The following RIC8A variants were observed in gnomAD, a reference collection of about 807,000 sequenced individuals.
RIC8A encodes chaperone Ric-8A.
In RIC8A, 37 loss-of-function variants were observed where a neutral mutation model predicts 48.4. That is an observed-to-expected ratio of 0.77 (90% CI 0.59 to 1.01). The LOEUF is 1.01. Ranked by LOEUF, RIC8A falls within the 50% of genes least tolerant of loss-of-function variation. RIC8A has a pLI of 0.00. For synonymous variants in RIC8A, 288 were observed against 283.4 expected (o/e 1.02, Z -0.16); for missense variants, 681 against 696.8 (o/e 0.98, Z 0.25).
intron 9 of RIC8A, chr11:213,641 G>C (rs551015036): frequency 1.8e-4 from 91 of 514,972 alleles, no homozygotes; most frequent in African/African-American, 1.5e-3. Flanking sequence ...CTGAGGCCCA[G>C]AGAAATTAAG....
At chr11:210,504 T>C in intron 3 of RIC8A, 67 bp from the exon 4 acceptor site, 2 of 1,399,968 alleles carry the variant, frequency 1.4e-6, no homozygotes, top group Non-Finnish European at 1.0e-6. Flanking sequence ...CAACAGACAG[T>C]GGAGCCTCAG....
At position 210,703 on chromosome 11, in the gene RIC8A, TGTC is replaced by T. The variant is rs761895052; in HGVS notation, c.818+42_818+44del. On this transcript the variant is annotated intron_variant, in intron 4 of 9. Coordinates refer to ENST00000526104, the MANE Select transcript of RIC8A (RefSeq NM_001286134.2). Reference sequence around the variant, plus strand: ...TTTCTGGGAGGGAAGTGTGCCCACATGTCTAGATGGTCGTCCTCAACCCCGGCT... The same window carrying T: ...TTTCTGGGAGGGAAGTGTGCCCACATTAGATGGTCGTCCTCAACCCCGGCT... The T allele has an allele frequency of 7.6e-6, 12 of 1,582,366 alleles. No homozygotes were observed. In the South Asian group the frequency reaches 1.2e-4, roughly 16 times the overall value.
At chr11:209,234 C>T (rs774708089) in intron 1 of RIC8A, 37 bp from the exon 2 acceptor site, 35 of 1,613,580 alleles carry the variant, frequency 2.2e-5, no homozygotes, top group Non-Finnish European at 2.9e-5. Context: ...CGGATCCTAC[C>T]CCTCTGTGGA....
chr11:210,737 C>T, intron 4 of RIC8A, 75 bp downstream of exon 4: 1 of 1,367,356 alleles, frequency 7.3e-7, no homozygotes, highest in Non-Finnish European at 1.0e-6. Context: ...CGGCTCTGAA[C>T]CAGAACCACC....
chr11:210,439 G>A (rs761821671), intron 3 of RIC8A, 132 bp from the exon 4 acceptor site: 5 of 889,896 alleles, frequency 5.6e-6, no homozygotes, highest in African/African-American at 4.9e-5. Context: ...AGACCCCAGG[G>A]GACCAGGTAT....
chr11:214,060 G>A, intron 9 of RIC8A, 170 bp from the exon 10 acceptor site: 1 of 714,076 alleles, frequency 1.4e-6, no homozygotes, highest in South Asian at 1.9e-5. Flanking sequence ...CTTAAAGCCA[G>A]GAGGCAGCAG....
Position 211,203 on chromosome 11 carries a change from G to A in RIC8A, c.823G>A (p.Ala275Thr), listed in dbSNP as rs114676801. 8.1e-3 allele frequency: 13,090 copies of A among 1,612,848 alleles called. 62 individuals are homozygous for A. The highest frequency in any genetic ancestry group is 9.4e-3 in the Non-Finnish European group (11,086 of 1,179,276). The change falls in exon 5 of 10, where the codon GCA (alanine) becomes ACA (threonine). Residue 275 changes from alanine to threonine, a missense_variant. Coordinates refer to ENST00000526104, the MANE Select transcript of RIC8A (RefSeq NM_001286134.2). The surrounding 1 kb of genome is among the most constrained non-coding windows in gnomAD (Gnocchi z 4.0). ...GDRTEEFHGH[A>T]VNLLGNLPLK... ...CCTACCTCCATCTGTCCCCAGCCAC[G>A]CAGTGAACCTCCTGGGGAACTTGCC... is the stretch of plus-strand genomic sequence containing the variant.
rs1218522059 is a variant in RIC8A at position 211,181 on chromosome 11, A to G, written c.819-18A>G. ...AGGGATTAGCCCTGTTGAAACCCCTACCTCCATCTGTCCCCAGCCACGCAG... is the reference window on the plus strand; with the variant it reads ...AGGGATTAGCCCTGTTGAAACCCCTGCCTCCATCTGTCCCCAGCCACGCAG... On this transcript the variant is annotated intron_variant, in intron 4 of 9. Transcript: ENST00000526104. The surrounding 1 kb of genome is among the most constrained non-coding windows in gnomAD (Gnocchi z 4.0). 1.9e-6 allele frequency: 3 copies of G among 1,607,772 alleles called. No homozygotes were observed. Among genetic ancestry groups the G allele is most frequent in the Middle Eastern group, 1.7e-4 (1 of 6,030 alleles).
rs761605784 is a variant in RIC8A, at chr11:211,267, A to G, written c.887A>G (p.His296Arg). 3 of 1,614,026 alleles carry G rather than the reference A, an allele frequency of 1.9e-6. No individual in the cohort carries two copies. Among genetic ancestry groups the G allele is most frequent in the Non-Finnish European group, 2.5e-6 (3 of 1,179,890 alleles). The change falls in exon 5 of 10, where the codon CAT (histidine) becomes CGT (arginine). Residue 296 changes from histidine (H) to arginine (R), a missense_variant. Physicochemically the swap from His to Arg is conservative, Grantham distance 29. Transcript: ENST00000526104. This position sits in a 1 kb window ranked among gnomAD's most constrained non-coding sequence, Gnocchi z 4.0. ...GATGTTCTCCTCACCCTGGAGCCAC[A>G]TGGAGACTCCACGGAGTTCATGGGA... ...CLDVLLTLEP[H>R]GDSTEFMGVN...
rs893642910 is a variant in RIC8A at position 207,949 on chromosome 11, G to T, written c.-906G>T. 1 of 152,370 alleles carries T rather than the reference G, an allele frequency of 6.6e-6. No individual in the cohort carries two copies. The highest frequency in any genetic ancestry group is 2.4e-5 in the African/African-American group (1 of 41,452). The allele number at this position is 152,370 out of a possible 1,614,324, so 9.4% of individuals were successfully genotyped here. The stretch of plus-strand genomic sequence containing the variant: ...CGTACAGAACGCACTACAGGAAAGT[G>T]AAGCCGGGAGAGAGACTGGGAGGCG... On this transcript the variant is annotated 5_prime_UTR_variant, in exon 1 of 10. An upstream open reading frame in the 5' UTR loses its in-frame stop. Transcript: ENST00000526104.
At position 209,982 on chromosome 11, in the gene RIC8A, C is replaced by T. The variant is rs1473299000; in HGVS notation, c.708C>T (p.Ile236=). 5 of 1,589,868 alleles carry T rather than the reference C, an allele frequency of 3.1e-6. No homozygotes were observed. In the African/African-American group the frequency reaches 6.7e-5, roughly 21 times the overall value. The change falls in exon 3 of 10, where the codon ATC becomes ATT. Residue 236 remains isoleucine, a synonymous_variant. Transcript: ENST00000526104. ...KVLFNITLDS[I]KGEVDEEDAA... Reference sequence around the variant, plus strand: ...TCTTCAACATCACCCTGGACTCCATCAAGGGGGAGGTGGACGAGGTGAGCA... The same window carrying T: ...TCTTCAACATCACCCTGGACTCCATTAAGGGGGAGGTGGACGAGGTGAGCA...
chr11:211,518 CA>C lies in RIC8A; in HGVS notation c.969+170del. 1.6e-6 allele frequency: 1 copy of C among 645,092 alleles called. No homozygotes were observed. Among genetic ancestry groups the C allele is most frequent in the Non-Finnish European group, 2.5e-6 (1 of 392,768 alleles). 40.0% of individuals were successfully genotyped at this position (645,092 alleles called of 1,614,324 possible). On this transcript the variant is annotated intron_variant, in intron 5 of 9. Coordinates refer to ENST00000526104, the MANE Select transcript of RIC8A (RefSeq NM_001286134.2). This position sits in a 1 kb window ranked among gnomAD's most constrained non-coding sequence, Gnocchi z 4.0. ...TCTGTGGTCCAGCCTGGCAAGAAGC[CA>C]GACCCTTCCTCCATGAGAAGCATGT...
chr11:213,452 G>T, intron 9 of RIC8A, 34 bp downstream of exon 9: 1 of 1,554,784 alleles, frequency 6.4e-7, no homozygotes, highest in Non-Finnish European at 8.7e-7. Flanking sequence ...CCTGCAGCTG[G>T]GAGAAGGGAG....
rs780082869 is a variant in RIC8A at position 209,519 on chromosome 11, C to G, written c.245C>G (p.Pro82Arg). The change falls in exon 3 of 10, where the codon CCG (proline) becomes CGG (arginine). Residue 82 changes from proline (P) to arginine (R), a missense_variant. Transcript: ENST00000526104. Reference sequence around the variant, plus strand: ...TCCCGGGACCGCAACTGCCTGGACCCGTTCACCAGCCGCCAGAGCCTGCAG... The same window carrying G: ...TCCCGGGACCGCAACTGCCTGGACCGGTTCACCAGCCGCCAGAGCCTGCAG... ...ILSRDRNCLD[P>R]FTSRQSLQAL... 1.2e-6 allele frequency: 2 copies of G among 1,613,956 alleles called. No individual in the cohort carries two copies. Among genetic ancestry groups the G allele is most frequent in the Admixed American group, 1.7e-5 (1 of 60,032 alleles).
intron 4 of RIC8A, 136 bp downstream of exon 4, chr11:210,798 G>C (rs1199892444): frequency 2.5e-6 from 2 of 793,480 alleles, no homozygotes; most frequent in Non-Finnish European, 4.2e-6. Flanking sequence ...GGGTGAGTGA[G>C]ACTGGACATA....
rs1179885835 is a variant in RIC8A at position 211,889 on chromosome 11, A to T, written c.970-527A>T. On this transcript the variant is annotated intron_variant, in intron 5 of 9. Transcript: ENST00000526104. This position sits in a 1 kb window ranked among gnomAD's most constrained non-coding sequence, Gnocchi z 4.0. ...GGGACACACAAGGTGCCTGCGAGCC[A>T]GTCAGGATAGGGAGCTGGCACTGGA... 2 of 168,170 alleles carry T rather than the reference A, an allele frequency of 1.2e-5. No homozygotes were observed. Among genetic ancestry groups the T allele is most frequent in the African/African-American group, 4.8e-5 (2 of 41,634 alleles). 10.4% of individuals were successfully genotyped at this position (168,170 alleles called of 1,614,324 possible). A position where few individuals can be genotyped will look rare whatever the true frequency, so the allele number is the denominator to read the frequency against.
Position 209,075 on chromosome 11 carries a change from T to G in RIC8A, c.84+137T>G, listed in dbSNP as rs1477538773. 23 of 1,039,310 alleles carry G rather than the reference T, an allele frequency of 2.2e-5. No individual in the cohort carries two copies. In the South Asian group the frequency reaches 3.0e-4, roughly 14 times the overall value. 64.4% of individuals were successfully genotyped at this position (1,039,310 alleles called of 1,614,324 possible). ...GACGCGGCGGGGTGCGGGGGGCAGG[T>G]CTGGGATGCAGTGTTGCGGGGAGAG... is the stretch of plus-strand genomic sequence containing the variant. On this transcript the variant is annotated intron_variant, in intron 1 of 9. Coordinates refer to ENST00000526104, the MANE Select transcript of RIC8A (RefSeq NM_001286134.2).
intron 9 of RIC8A, 41 bp from the exon 10 acceptor site, chr11:214,189 C>G: frequency 6.2e-7 from 1 of 1,601,932 alleles, no homozygotes; most frequent in Non-Finnish European, 8.5e-7. Context: ...GCCTGGCCAA[C>G]TGGGCCCCTT....
In RIC8A at chr11:208,501, G is replaced by T; in HGVS notation, c.-354G>T. 4.3e-6 allele frequency: 1 copy of T among 234,452 alleles called. No homozygotes were observed. The highest frequency in any genetic ancestry group is 8.1e-6 in the Non-Finnish European group (1 of 122,930). 14.5% of individuals were successfully genotyped at this position (234,452 alleles called of 1,614,324 possible). On this transcript the variant is annotated 5_prime_UTR_variant, in exon 1 of 10. Transcript: ENST00000526104. This position sits in a 1 kb window ranked among gnomAD's most constrained non-coding sequence, Gnocchi z 4.8. ...CCCCTCTACATCCCATCGGTTCTGT[G>T]GAGCTCGAGGGGCGTCACTGTGTGT...
Sources: allele counts gnomAD v4.1 joint callset, GRCh38; gene constraint gnomAD v4.1.1; non-coding constraint Gnocchi (gnomAD v3.1); transcripts MANE v1.5; gene names NCBI Gene and HGNC (gene_info 2026-07-23, HGNC 2026-07-21).